MAP3K3: variants seen among roughly 807,000 people sequenced by gnomAD.
MAP3K3 encodes MAP/ERK kinase kinase 3.
MAP3K3 carries 12 observed loss-of-function variants against 80.9 expected under a neutral mutation model. The ratio of observed to expected loss-of-function variants is 0.15; its 90% CI spans 0.10 to 0.24. The LOEUF is 0.24. Ranked by LOEUF, MAP3K3 falls within the 10% of genes least tolerant of loss-of-function variation. MAP3K3 has a pLI of 1.00. For synonymous variants in MAP3K3, 272 were observed against 307.1 expected (o/e 0.89, Z 1.19); for missense variants, 596 against 834.7 (o/e 0.71, Z 3.52).
chr17:63,628,154 C>T (rs1216551392), intron 1 of MAP3K3, among the ~76,000 whole-genome samples: 2 of 152,034 alleles, frequency 1.3e-5, no homozygotes, highest in Non-Finnish European at 2.9e-5. Flanking sequence ...GATCTGCCTG[C>T]CTCGGCCTCC....
chr17:63,632,805 G>C lies in MAP3K3; in HGVS notation c.126+3G>C, dbSNP rs374181670. 1 of 1,613,876 alleles carries C rather than the reference G, an allele frequency of 6.2e-7. No homozygotes were observed. The highest frequency in any genetic ancestry group is 8.5e-7 in the Non-Finnish European group (1 of 1,179,956). On this transcript the variant is annotated splice_donor_region_variant and intron_variant, in intron 2 of 15. Coordinates refer to ENST00000361733, the MANE Select transcript of MAP3K3 (RefSeq NM_002401.5). ...ACACAGGTCACTCAAATAGGCAGGT[G>C]TGTGTGACCCTGGCAGAGCTAAGTG...
At chr17:63,636,896 A>G (rs1203079130) in intron 2 of MAP3K3, 4 of 473,052 alleles carry the variant, frequency 8.5e-6, no homozygotes, top group Admixed American at 6.5e-5. Context: ...AATGAGACCA[A>G]TATAGCCCAA....
At chr17:63,631,346 C>T (rs1033281934) in intron 1 of MAP3K3, among the ~76,000 whole-genome samples, 1 of 152,130 alleles carries the variant, frequency 6.6e-6, no homozygotes, top group Non-Finnish European at 1.5e-5. Context: ...AGTTTTACTT[C>T]CTACATTTCA....
intron 1 of MAP3K3, among the ~76,000 whole-genome samples, chr17:63,628,173 T>A (rs1187795341): frequency 6.6e-6 from 1 of 152,162 alleles, no homozygotes; most frequent in Non-Finnish European, 1.5e-5. Context: ...CCCAAAGTGC[T>A]GAGATTACAG....
At chr17:63,677,064 G>T in intron 6 of MAP3K3, among the ~76,000 whole-genome samples, 1 of 152,180 alleles carries the variant, frequency 6.6e-6, no homozygotes, top group East Asian at 1.9e-4. Context: ...GGGATTCTAC[G>T]GAGTTCCTAC....
rs77341200 is a variant in MAP3K3 at position 63,658,238 on chromosome 17, C to T, written c.381+331C>T. 9.2e-3 allele frequency among the ~76,000 whole-genome samples: 1,394 copies of T among 152,254 alleles called. 23 individuals carry two copies. The highest frequency in any genetic ancestry group is 0.031 in the African/African-American group (1,304 of 41,536). ...TGACCCCAACAAGAGAAATTTGATT[C>T]GTTTGGCAGTGCCGATTAGGAAAGA... On this transcript the variant is annotated intron_variant, in intron 5 of 15. Coordinates refer to ENST00000361733, the MANE Select transcript of MAP3K3 (RefSeq NM_002401.5).
chr17:63,623,943 G>T (rs992562392), intron 1 of MAP3K3, among the ~76,000 whole-genome samples: 2 of 151,882 alleles, frequency 1.3e-5, no homozygotes, highest in Non-Finnish European at 2.9e-5. Flanking sequence ...TGTCAAATTC[G>T]CCAGATATTG....
intron 5 of MAP3K3, among the ~76,000 whole-genome samples, chr17:63,664,246 C>CAA (rs60599826): frequency 3.2e-3 from 229 of 71,616 alleles, no homozygotes; most frequent in Middle Eastern, 7.0e-3. Context: ...GACTCCGTCT[C>CAA]AAAAAAAAAA....
At position 63,636,936 on chromosome 17, in the gene MAP3K3, G is replaced by A. The variant is rs147295664; in HGVS notation, c.126+4134G>A. On this transcript the variant is annotated intron_variant, in intron 2 of 15. Coordinates refer to ENST00000361733, the MANE Select transcript of MAP3K3 (RefSeq NM_002401.5). ...AGGCCTGTATGCGCTTCATCCAGCT[G>A]GACGGGCTGGTCTAGGGGGGCCTCC... The A allele has an allele frequency of 1.9e-3, 1,036 of 558,958 alleles. 5 individuals are homozygous for A. Among genetic ancestry groups the A allele is most frequent in the African/African-American group, 0.018 (897 of 50,290 alleles). 34.6% of individuals were successfully genotyped at this position (558,958 alleles called of 1,614,324 possible).
intron 2 of MAP3K3, among the ~76,000 whole-genome samples, chr17:63,640,736 A>C (rs2034422915): frequency 6.6e-6 from 1 of 152,200 alleles, no homozygotes; most frequent in South Asian, 2.1e-4. Flanking sequence ...AAGGAGGGGG[A>C]GAACAGTGTT....
intron 5 of MAP3K3, among the ~76,000 whole-genome samples, chr17:63,662,264 G>C (rs540450675): frequency 1.3e-3 from 188 of 142,102 alleles, no homozygotes; most frequent in Middle Eastern, 0.011. Context: ...AAAAAAAAAC[G>C]AAAATTAGCC....
intron 5 of MAP3K3, among the ~76,000 whole-genome samples, chr17:63,665,767 C>T (rs759784587): frequency 3.3e-5 from 5 of 152,160 alleles, no homozygotes; most frequent in African/African-American, 9.7e-5. Flanking sequence ...TCTGACTTCC[C>T]GTTAGAGCAA....
Position 63,652,658 on chromosome 17 carries a change from T to C in MAP3K3, c.267+2T>C, listed in dbSNP as rs1287334368. Reference sequence around the variant, plus strand: ...GATCTACATTACATGAACAATGAGGTGAGAAGGCAGATGGATGGGGCAGGG... The same window carrying C: ...GATCTACATTACATGAACAATGAGGCGAGAAGGCAGATGGATGGGGCAGGG... On this transcript the variant is annotated splice_donor_variant, in intron 4 of 15. Transcript: ENST00000361733. LOFTEE classifies it high-confidence loss of function. 1 of 1,604,336 alleles carries C rather than the reference T, an allele frequency of 6.2e-7. No individual in the cohort carries two copies. The highest frequency in any genetic ancestry group is 8.5e-7 in the Non-Finnish European group (1 of 1,171,218).
intron 1 of MAP3K3, among the ~76,000 whole-genome samples, chr17:63,624,414 A>G (rs2034058596): frequency 1.3e-5 from 2 of 152,292 alleles, no homozygotes; most frequent in East Asian, 1.9e-4. Context: ...GTTGACTGCT[A>G]CACCAGTTAG....
Position 63,622,700 on chromosome 17 carries a change from C to A in MAP3K3, c.-60C>A. 1 of 436,400 alleles carries A rather than the reference C, an allele frequency of 2.3e-6. No individual in the cohort carries two copies. Among genetic ancestry groups the A allele is most frequent in the South Asian group, 1.7e-5 (1 of 58,138 alleles). The allele number at this position is 436,400 out of a possible 1,614,324, so 27.0% of individuals were successfully genotyped here. ...CCCCGCCGCCCGGGCCCCCGGCATGCAGCCCCGGCTGCGGAGGTGACACTC... is the reference window on the plus strand; with the variant it reads ...CCCCGCCGCCCGGGCCCCCGGCATGAAGCCCCGGCTGCGGAGGTGACACTC... On this transcript the variant is annotated 5_prime_UTR_variant, in exon 1 of 16. Coordinates refer to ENST00000361733, the MANE Select transcript of MAP3K3 (RefSeq NM_002401.5).
intron 7 of MAP3K3, chr17:63,682,815 C>G (rs1170194408): frequency 6.6e-6 from 1 of 152,248 alleles, no homozygotes. Flanking sequence ...ATTCTATCCT[C>G]TTTGCCATAG....
intron 6 of MAP3K3, among the ~76,000 whole-genome samples, chr17:63,678,364 A>G (rs2035262412): frequency 6.6e-6 from 1 of 152,236 alleles, no homozygotes. Context: ...AAATAGGACA[A>G]ATTCTCTTCC....
intron 1 of MAP3K3, 147 bp from the exon 2 acceptor site, chr17:63,632,534 T>C: frequency 1.2e-6 from 1 of 822,214 alleles, no homozygotes; most frequent in Non-Finnish European, 1.9e-6. Context: ...TGCCATAGTC[T>C]GACCTTTTGG....
intron 5 of MAP3K3, among the ~76,000 whole-genome samples, chr17:63,661,290 G>T (rs1211579108): frequency 1.3e-5 from 2 of 152,084 alleles, no homozygotes; most frequent in Non-Finnish European, 2.9e-5. Context: ...CAAGTGATCC[G>T]CACGCCTCAG....
Sources: gnomAD v4.1 joint callset for allele counts (sites outside exome capture counted in the v4.1 genomes callset) on GRCh38, gnomAD v4.1.1 for gene constraint, MANE v1.5 for transcripts, NCBI Gene and HGNC (gene_info 2026-07-23, HGNC 2026-07-21) for gene names.